Variants in PPP3CA observed in about 807,000 individuals in gnomAD.
PPP3CA encodes the protein CAM-PRP catalytic subunit.
A neutral mutation model predicts 66.5 loss-of-function variants in PPP3CA; 14 were observed. That is an observed-to-expected ratio of 0.21 (90% confidence interval 0.14 to 0.33). The LOEUF is 0.33. PPP3CA is among the 10% of genes least tolerant of loss of function. The probability of loss-of-function intolerance (pLI) is 1.00; values close to 1 mark genes in which losing one functional copy is unlikely to be tolerated. For missense variants in PPP3CA, 317 were observed against 639.5 expected, an observed-to-expected ratio of 0.50 and a Z score of 5.44; for synonymous variants, 232 against 226.2, an observed-to-expected ratio of 1.03 and a Z score of -0.23.
In PPP3CA at chr4:101,025,847, A is replaced by G; in HGVS notation, c.*18T>C. On this transcript the variant is annotated 3_prime_UTR_variant, in exon 14 of 14. Coordinates refer to ENST00000394854, the MANE Select transcript of PPP3CA (RefSeq NM_000944.5). ...AAAAAAAAAAAAAAAAAAAAAAAAA[A>G]AAGTGAACAGGAAGTGGTCACTGAA... The G allele has an allele frequency of 1.4e-6, 2 of 1,397,126 alleles. No homozygotes were observed. The highest frequency in any genetic ancestry group is 1.6e-5 in the South Asian group (1 of 62,492). 86.5% of individuals were successfully genotyped at this position (1,397,126 alleles called of 1,614,324 possible).
intron 2 of PPP3CA, among the ~76,000 whole-genome samples, chr4:101,185,063 T>C (rs1225177540): frequency 6.6e-6 from 1 of 152,114 alleles, no homozygotes; most frequent in African/African-American, 2.4e-5. Context: ...TCATGAAATT[T>C]TACTTGGTCC....
intron 1 of PPP3CA, among the ~76,000 whole-genome samples, chr4:101,268,824 A>G (rs1217447257): frequency 1.3e-5 from 2 of 152,160 alleles, no homozygotes; most frequent in Non-Finnish European, 2.9e-5. Flanking sequence ...TCAAAGGACA[A>G]TATCACAATT....
intron 1 of PPP3CA, among the ~76,000 whole-genome samples, chr4:101,278,855 T>C (rs531114662): frequency 1.3e-5 from 2 of 152,342 alleles, no homozygotes; most frequent in South Asian, 2.1e-4. Context: ...TTTGTGCCAC[T>C]GGCTATCAAA....
At chr4:101,283,739 C>T (rs1323426432) in intron 1 of PPP3CA, among the ~76,000 whole-genome samples, 4 of 152,080 alleles carry the variant, frequency 2.6e-5, no homozygotes, top group Non-Finnish European at 5.9e-5. Flanking sequence ...ATCAGATTTT[C>T]TCTCCCTGGA....
At chr4:101,226,325 T>C (rs1394894022) in intron 1 of PPP3CA, among the ~76,000 whole-genome samples, 1 of 151,648 alleles carries the variant, frequency 6.6e-6, no homozygotes. Context: ...CTGGCAAAAT[T>C]TCCTAAAAGT....
chr4:101,340,502 A>G (rs1729780071), intron 1 of PPP3CA, among the ~76,000 whole-genome samples: 1 of 152,184 alleles, frequency 6.6e-6, no homozygotes, highest in Admixed American at 6.5e-5. Flanking sequence ...GGGCTAGGTC[A>G]TAAAGTTGAT....
At position 101,104,559 on chromosome 4, in the gene PPP3CA, A is replaced by G. The variant is rs546556951; in HGVS notation, c.384+4395T>C. 5.9e-5 allele frequency among the ~76,000 whole-genome samples: 9 copies of G among 152,128 alleles called. No individual in the cohort carries two copies. The South Asian group carries it at 1.2e-3, about 21-fold the overall frequency. On this transcript the variant is annotated intron_variant, in intron 3 of 13. Transcript: ENST00000394854. ...GCTTTGAATCCCAGCACTGCCATTT[A>G]CCACGTGTGACCCCCGAGCCTCAGT...
Position 101,106,441 on chromosome 4 carries a change from GAAAGA to G in PPP3CA, c.384+2508_384+2512del, listed in dbSNP as rs1560604965. On this transcript the variant is annotated intron_variant, in intron 3 of 13. Coordinates refer to ENST00000394854, the MANE Select transcript of PPP3CA (RefSeq NM_000944.5). ...AGAAAGAAAGAAAGAAAGAAAGAAAGAAAGAAAGAAAGAGAAAAGAAAAGAAAAGA... is the reference window on the plus strand; with the variant it reads ...AGAAAGAAAGAAAGAAAGAAAGAAAGAAGAAAGAGAAAAGAAAAGAAAAGA... Among the ~76,000 whole-genome samples, 40 of 11,304 alleles carry G rather than the reference GAAAGA, an allele frequency of 3.5e-3. 14 individuals are homozygous for G. Among genetic ancestry groups the G allele is most frequent in the Admixed American group, 0.012 (10 of 814 alleles). The allele number at this position is 11,304 out of a possible 152,430, so 7.4% of individuals were successfully genotyped here.
chr4:101,137,460 G>A (rs573921381), intron 2 of PPP3CA, among the ~76,000 whole-genome samples: 2 of 152,160 alleles, frequency 1.3e-5, no homozygotes, highest in East Asian at 3.9e-4. Flanking sequence ...TGCTCGGTGT[G>A]AGAACGCAAA....
intron 1 of PPP3CA, among the ~76,000 whole-genome samples, chr4:101,321,317 A>G (rs1265071124): frequency 1.3e-5 from 2 of 152,238 alleles, no homozygotes; most frequent in African/African-American, 2.4e-5. Context: ...GCCGACTTAC[A>G]GAACTACATT....
chr4:101,062,345 G>C (rs1186403894), intron 9 of PPP3CA, among the ~76,000 whole-genome samples: 1 of 151,850 alleles, frequency 6.6e-6, no homozygotes, highest in East Asian at 1.9e-4. Context: ...TAACTTGACT[G>C]GTTTAATCAT....
chr4:101,031,605 G>A (rs1196521338), intron 12 of PPP3CA, among the ~76,000 whole-genome samples: 7 of 152,142 alleles, frequency 4.6e-5, no homozygotes, highest in Non-Finnish European at 1.0e-4. Flanking sequence ...TGCGGCTTCT[G>A]TATAGATACA....
chr4:101,144,394 A>G (rs1435196878), intron 2 of PPP3CA, among the ~76,000 whole-genome samples: 6 of 152,196 alleles, frequency 3.9e-5, no homozygotes, highest in Non-Finnish European at 8.8e-5. Context: ...TATTGCAAAT[A>G]TATCAAGCTA....
chr4:101,243,587 A>T (rs1340708733), intron 1 of PPP3CA, among the ~76,000 whole-genome samples: 1 of 152,208 alleles, frequency 6.6e-6, no homozygotes, highest in Admixed American at 6.5e-5. Context: ...ATTAAGGATT[A>T]TAAGTAATCT....
At chr4:101,149,197 C>A (rs1443764912) in intron 2 of PPP3CA, among the ~76,000 whole-genome samples, 1 of 152,056 alleles carries the variant, frequency 6.6e-6, no homozygotes, top group Non-Finnish European at 1.5e-5. Flanking sequence ...ATTTGGAATG[C>A]ATAAAGCACC....
intron 1 of PPP3CA, among the ~76,000 whole-genome samples, chr4:101,298,281 A>T (rs1263786283): frequency 6.6e-6 from 1 of 151,934 alleles, no homozygotes; most frequent in Non-Finnish European, 1.5e-5. Flanking sequence ...AATTGGTCTA[A>T]GACAAAGAAA....
intron 7 of PPP3CA, among the ~76,000 whole-genome samples, chr4:101,082,746 T>C (rs931254143): frequency 7.9e-5 from 12 of 152,194 alleles, no homozygotes; most frequent in Admixed American, 7.2e-4. Flanking sequence ...GGATCAGGAA[T>C]GGTATTCAGG....
chr4:101,124,557 C>T (rs778604316), intron 2 of PPP3CA, among the ~76,000 whole-genome samples: 2 of 150,982 alleles, frequency 1.3e-5, no homozygotes, highest in Non-Finnish European at 2.9e-5. Context: ...TGCAGTGAGC[C>T]GGGATCGTGC....
intron 7 of PPP3CA, 70 bp downstream of exon 7, chr4:101,083,116 C>T: frequency 8.2e-7 from 1 of 1,222,770 alleles, no homozygotes; most frequent in Non-Finnish European, 1.1e-6. Context: ...ACCTGCAGAG[C>T]CTAAGCAAAG....
Sources: gnomAD v4.1 joint callset for allele counts (sites outside exome capture counted in the v4.1 genomes callset) on GRCh38, gnomAD v4.1.1 for gene constraint, MANE v1.5 for transcripts, NCBI Gene and HGNC (gene_info 2026-07-23, HGNC 2026-07-21) for gene names.